TECPR2: variants seen among roughly 807,000 people sequenced by gnomAD.
TECPR2 encodes tectonin beta-propeller repeat-containing protein 2.
In TECPR2, 65 loss-of-function variants were observed where a neutral mutation model predicts 138.1. That is an observed-to-expected ratio of 0.47 (90% CI 0.39 to 0.58). The LOEUF is 0.58. Among genes scored for constraint, TECPR2 ranks in the 20% least tolerant of loss-of-function variants. The pLI, the probability that TECPR2 is intolerant of heterozygous loss-of-function variation, is 0.00. For synonymous variants in TECPR2, 746 were observed against 749.8 expected, an observed-to-expected ratio of 0.99 and a Z score of 0.08; for missense variants, 1,553 against 1,824.5, an observed-to-expected ratio of 0.85 and a Z score of 2.71.
At chr14:102,425,871 G>T (rs1245768383) in intron 6 of TECPR2, among the ~76,000 whole-genome samples, 10 of 132,108 alleles carry the variant, frequency 7.6e-5, no homozygotes, top group African/African-American at 2.5e-4. Context: ...ACCATGCCTG[G>T]TTTTTTTTTT....
intron 2 of TECPR2, 135 bp downstream of exon 2, chr14:102,377,075 T>A: frequency 1.1e-6 from 1 of 895,072 alleles, no homozygotes; most frequent in Non-Finnish European, 1.7e-6. Flanking sequence ...AACAATACTT[T>A]AAAACCATCT....
chr14:102,381,894 G>C (rs1164695433), intron 2 of TECPR2, among the ~76,000 whole-genome samples: 2 of 152,224 alleles, frequency 1.3e-5, no homozygotes, highest in African/African-American at 4.8e-5. Flanking sequence ...TGTAGATGTA[G>C]TAATATCTAA....
At chr14:102,465,477 G>T (rs1190303087) in intron 17 of TECPR2, 188 bp downstream of exon 17, 4 of 1,395,032 alleles carry the variant, frequency 2.9e-6, no homozygotes, top group Non-Finnish European at 3.7e-6. Context: ...GTGAAGTTTA[G>T]AGCTGAACAG....
chr14:102,379,444 A>G (rs962095886), intron 2 of TECPR2, among the ~76,000 whole-genome samples: 4 of 151,132 alleles, frequency 2.6e-5, no homozygotes, highest in African/African-American at 9.8e-5. Flanking sequence ...ACTGCTGAAG[A>G]TCACCATCTT....
At position 102,392,571 on chromosome 14, in the gene TECPR2, A is replaced by G. The variant is rs1888206464; in HGVS notation, c.220-14767A>G. On this transcript the variant is annotated intron_variant, in intron 2 of 19. Transcript: ENST00000359520. ...TCCTGTTTTATTTTTAAAACATTTT[A>G]ATCATTTTTCTTTTATGTTCTGTGT... 1.3e-5 allele frequency among the ~76,000 whole-genome samples: 2 copies of G among 152,038 alleles called. 1 individual carries two copies. Among genetic ancestry groups the G allele is most frequent in the African/African-American group, 4.8e-5 (2 of 41,392 alleles).
Position 102,449,829 on chromosome 14 carries a change from G to A in TECPR2, c.3276G>A (p.Ser1092=), listed in dbSNP as rs369793450. ...ATAACAGCGGTGTCTGGATCTCCTCGGGCAAGAATGAATTCCACGTCGCTA... is the reference window on the plus strand; with the variant it reads ...ATAACAGCGGTGTCTGGATCTCCTCAGGCAAGAATGAATTCCACGTCGCTA... ...GVNNSGVWIS[S]GKNEFHVAKG... is the part of the protein sequence containing the mutation. The change falls in exon 14 of 20, where the codon TCG becomes TCA. Residue 1092 remains serine, a synonymous_variant. Coordinates refer to ENST00000359520, the MANE Select transcript of TECPR2 (RefSeq NM_014844.5). The A allele has an allele frequency of 4.1e-5, 66 of 1,614,008 alleles. 1 individual carries two copies. Among genetic ancestry groups the A allele is most frequent in the African/African-American group, 1.3e-4 (10 of 75,042 alleles).
chr14:102,411,003 C>A (rs892566955), intron 4 of TECPR2, among the ~76,000 whole-genome samples: 1 of 152,300 alleles, frequency 6.6e-6, no homozygotes, highest in Admixed American at 6.5e-5. Context: ...TTCTGTTATT[C>A]CATTTAGTTT....
chr14:102,441,118 G>A (rs1055240653), intron 11 of TECPR2, among the ~76,000 whole-genome samples: 4 of 152,110 alleles, frequency 2.6e-5, no homozygotes, highest in African/African-American at 9.7e-5. Context: ...AGGCTGGCAT[G>A]CAGTGGTGCC....
Position 102,497,679 on chromosome 14 carries a change from C to T in TECPR2, c.4041C>T (p.Asp1347=), listed in dbSNP as rs1891324721. 4.3e-6 allele frequency: 7 copies of T among 1,609,426 alleles called. No homozygotes were observed. The East Asian group carries it at 1.6e-4, about 36-fold the overall frequency. Residue 1347 remains aspartate, a synonymous_variant, in exon 19 of 20, where the codon GAC becomes GAT. Coordinates refer to ENST00000359520, the MANE Select transcript of TECPR2 (RefSeq NM_014844.5). ...TCACAGACAAGAACCCCGCCGGGGA[C>T]TACTGGAAGAAAATTCCCGGCAGCG... ...YGVTDKNPAG[D]YWKKIPGSVS...
In TECPR2 at chr14:102,425,107, T is replaced by G; in HGVS notation, c.767T>G (p.Ile256Ser). The G allele has an allele frequency of 6.2e-7, 1 of 1,614,186 alleles. No individual in the cohort carries two copies. Among genetic ancestry groups the G allele is most frequent in the South Asian group, 1.1e-5 (1 of 91,080 alleles). ...DVHGTVQATF[I>S]LKDAFAGGVK... ...CACGGGACTGTTCAAGCCACGTTTA[T>G]CTTAAAAGATGCTTTTGCCGGGGGA... is the stretch of plus-strand genomic sequence containing the variant. Residue 256 changes from isoleucine to serine, a missense_variant, in exon 6 of 20, where the codon ATC (isoleucine) becomes AGC (serine). Ile to Ser is a moderately radical substitution (Grantham distance 142, BLOSUM62 -2). Transcript: ENST00000359520.
In TECPR2 at chr14:102,419,667, C is replaced by T. The variant is rs184708164; in HGVS notation, c.638+4874C>T. 7.8e-4 allele frequency among the ~76,000 whole-genome samples: 119 copies of T among 152,258 alleles called. No homozygotes were observed. The highest frequency in any genetic ancestry group is 2.6e-3 in the African/African-American group (108 of 41,556). ...AGAAGACGAGGGGTCCTCTTCCCGT[C>T]GAGTCCGTGAACCTCTTCAGACCGG... On this transcript the variant is annotated intron_variant, in intron 5 of 19. Transcript: ENST00000359520. The surrounding 1 kb of genome is among the most constrained non-coding windows in gnomAD (Gnocchi z 4.8).
intron 2 of TECPR2, among the ~76,000 whole-genome samples, chr14:102,389,705 C>G (rs775197094): frequency 1.3e-5 from 2 of 152,190 alleles, no homozygotes; most frequent in Non-Finnish European, 2.9e-5. Context: ...ATGCCACTGT[C>G]TCTTGACTGC....
Position 102,440,616 on chromosome 14 carries a change from G to A in TECPR2, c.2752+7G>A, listed in dbSNP as rs769247131. ...GACCTATACTTGCAGACAGGTAACC[G>A]CGGGCCACGCTTAGAGGCCTGCCAG... is the stretch of plus-strand genomic sequence containing the variant. On this transcript the variant is annotated splice_region_variant and intron_variant, in intron 11 of 19. Transcript: ENST00000359520. 18 of 1,611,594 alleles carry A rather than the reference G, an allele frequency of 1.1e-5. No individual in the cohort carries two copies. Among genetic ancestry groups the A allele is most frequent in the Middle Eastern group, 1.7e-4 (1 of 6,024 alleles).
rs1890312050 is a variant in TECPR2 at position 102,457,869 on chromosome 14, C to CTTTTTTTTTG, written c.3640+5251_3640+5252insGTTTTTTTTT. ...CGCTCCTCTGCTCCCACTAAATTCC[C>CTTTTTTTTTG]TTTTTTTTTTTTTTTTTTTTTGAGA... is the stretch of plus-strand genomic sequence containing the variant. On this transcript the variant is annotated intron_variant, in intron 16 of 19. Coordinates refer to ENST00000359520, the MANE Select transcript of TECPR2 (RefSeq NM_014844.5). Among the ~76,000 whole-genome samples, 3 of 102,772 alleles carry CTTTTTTTTTG rather than the reference C, an allele frequency of 2.9e-5. No homozygotes were observed. In the Admixed American group the frequency reaches 3.4e-4, roughly 12 times the overall value. The allele number at this position is 102,772 out of a possible 152,430, so 67.4% of individuals were successfully genotyped here.
chr14:102,407,409 C>T lies in TECPR2; in HGVS notation c.291C>T (p.Ala97=). ...ATGACCTGGTGGCAGCAGGCACAGCCTCTGGCAGGGTTGCAGTTTTTCAAC... is the reference window on the plus strand; with the variant it reads ...ATGACCTGGTGGCAGCAGGCACAGCTTCTGGCAGGGTTGCAGTTTTTCAAC... ...CFDDLVAAGT[A]SGRVAVFQLV... Residue 97 remains alanine (A), a synonymous_variant, in exon 3 of 20, where the codon GCC becomes GCT. Transcript: ENST00000359520. The T allele has an allele frequency of 6.2e-7, 1 of 1,613,758 alleles. No individual in the cohort carries two copies. The highest frequency in any genetic ancestry group is 8.5e-7 in the Non-Finnish European group (1 of 1,179,838).
chr14:102,489,876 C>A (rs1230811795), intron 17 of TECPR2, among the ~76,000 whole-genome samples: 2 of 152,196 alleles, frequency 1.3e-5, no homozygotes, highest in East Asian at 3.9e-4. Context: ...GCACAGCTAA[C>A]AAACCAGCAG....
intron 2 of TECPR2, among the ~76,000 whole-genome samples, chr14:102,381,833 A>G (rs1887829959): frequency 6.6e-6 from 1 of 152,260 alleles, no homozygotes; most frequent in African/African-American, 2.4e-5. Context: ...GTTCTTTAAA[A>G]TATATTTGAC....
intron 17 of TECPR2, among the ~76,000 whole-genome samples, chr14:102,467,015 T>A (rs919360541): frequency 6.6e-6 from 1 of 152,216 alleles, no homozygotes; most frequent in Non-Finnish European, 1.5e-5. Flanking sequence ...TTTTTATGAC[T>A]ACATCACAGC....
In TECPR2 at chr14:102,392,743, G is replaced by A. The variant is rs1888210834; in HGVS notation, c.220-14595G>A. 2.0e-5 allele frequency among the ~76,000 whole-genome samples: 3 copies of A among 152,226 alleles called. No individual in the cohort carries two copies. The South Asian group carries it at 6.2e-4, about 32-fold the overall frequency. On this transcript the variant is annotated intron_variant, in intron 2 of 19. Coordinates refer to ENST00000359520, the MANE Select transcript of TECPR2 (RefSeq NM_014844.5). ...ATGTATGAGAACCCTGGGGGACCTG[G>A]ATCGGGACTGCTCCACAGATGGGGT...
Sources: gnomAD v4.1 joint callset for allele counts (sites outside exome capture counted in the v4.1 genomes callset) on GRCh38, gnomAD v4.1.1 for gene constraint, Gnocchi (gnomAD v3.1) non-coding constraint, MANE v1.5 for transcripts, NCBI Gene and HGNC (gene_info 2026-07-23, HGNC 2026-07-21) for gene names.